Variants in TRHR observed in about 807,000 individuals in gnomAD.
The protein encoded by TRHR is thyrotropin releasing hormone receptor, also known as thyrotropin-releasing hormone receptor.
Under a neutral mutation model 28.0 loss-of-function variants are expected in TRHR, and 14 were observed. The ratio of observed to expected loss-of-function variants is 0.50; its 90% CI spans 0.33 to 0.78. TRHR has a LOEUF of 0.78. Ranked by LOEUF, TRHR falls within the 30% of genes least tolerant of loss-of-function variation. The pLI is 0.02. For synonymous variants in TRHR, 176 were observed against 171.9 expected (o/e 1.02, Z -0.18); for missense variants, 438 against 469.5 (o/e 0.93, Z 0.62).
At chr8:109,103,205 C>A (rs1811703231) in intron 2 of TRHR, among the ~76,000 whole-genome samples, 1 of 152,190 alleles carries the variant, frequency 6.6e-6, no homozygotes, top group African/African-American at 2.4e-5. Context: ...GTTCTCACAT[C>A]TTAAACCAGG....
At chr8:109,090,947 G>A (rs1270566825) in intron 2 of TRHR, among the ~76,000 whole-genome samples, 1 of 151,868 alleles carries the variant, frequency 6.6e-6, no homozygotes, top group Non-Finnish European at 1.5e-5. Flanking sequence ...GAAAGAGACA[G>A]AGAGACAGAG....
At chr8:109,100,476 C>G (rs1324344724) in intron 2 of TRHR, among the ~76,000 whole-genome samples, 1 of 151,912 alleles carries the variant, frequency 6.6e-6, no homozygotes, top group Non-Finnish European at 1.5e-5. Context: ...TCTATTATTA[C>G]AATCCCTTCC....
At chr8:109,088,354 T>G in intron 2 of TRHR, 53 bp downstream of exon 2, 1 of 1,589,796 alleles carries the variant, frequency 6.3e-7, no homozygotes, top group Non-Finnish European at 8.6e-7. Flanking sequence ...ATAGAGTTCC[T>G]TGGAGATGGG....
chr8:109,121,215 C>G lies in TRHR; in HGVS notation c.*1760C>G, dbSNP rs1812003172. On this transcript the variant is annotated 3_prime_UTR_variant, in exon 3 of 3. Transcript: ENST00000518632. The stretch of plus-strand genomic sequence containing the variant: ...CCCTACCTGCATGACAGTAAGCAAT[C>G]TATGTTAACTGACTTTTCATTCTGG... Among the ~76,000 whole-genome samples the G allele has an allele frequency of 1.3e-5, 2 of 151,480 alleles. No individual in the cohort carries two copies. The highest frequency in any genetic ancestry group is 3.0e-5 in the Non-Finnish European group (2 of 67,758).
chr8:109,099,091 T>C, intron 2 of TRHR, among the ~76,000 whole-genome samples: 1 of 152,080 alleles, frequency 6.6e-6, no homozygotes, highest in Non-Finnish European at 1.5e-5. Context: ...TCTAAAGATG[T>C]TTTTCAGGAA....
intron 2 of TRHR, among the ~76,000 whole-genome samples, chr8:109,091,909 CA>C (rs1201947047): frequency 6.6e-6 from 1 of 152,124 alleles, no homozygotes; most frequent in Non-Finnish European, 1.5e-5. Flanking sequence ...TGTCTCATTT[CA>C]GCTCTATCTA....
At chr8:109,108,085 C>G (rs1040269090) in intron 2 of TRHR, among the ~76,000 whole-genome samples, 1 of 152,134 alleles carries the variant, frequency 6.6e-6, no homozygotes, top group Non-Finnish European at 1.5e-5. Flanking sequence ...GAGCATAGTA[C>G]AGGCTGTCTC....
intron 2 of TRHR, among the ~76,000 whole-genome samples, chr8:109,117,661 A>C (rs1348824556): frequency 6.6e-6 from 1 of 151,834 alleles, no homozygotes; most frequent in African/African-American, 2.4e-5. Flanking sequence ...ATGACAATGA[A>C]GATGATAATC....
chr8:109,105,293 A>G (rs1036786715), intron 2 of TRHR, among the ~76,000 whole-genome samples: 1 of 152,178 alleles, frequency 6.6e-6, no homozygotes, highest in African/African-American at 2.4e-5. Flanking sequence ...TGGCAACACT[A>G]TTCTCTGCTT....
chr8:109,111,818 G>A (rs934651972), intron 2 of TRHR, among the ~76,000 whole-genome samples: 12 of 152,130 alleles, frequency 7.9e-5, no homozygotes, highest in Non-Finnish European at 1.6e-4. Context: ...CCAAAAAAGG[G>A]TTTTGGCATT....
intron 2 of TRHR, among the ~76,000 whole-genome samples, chr8:109,100,686 A>T (rs7821476): frequency 0.089 from 13,490 of 152,232 alleles, 951 homozygotes; most frequent in African/African-American, 0.2. Flanking sequence ...AAGACAGAAT[A>T]GTAAGCTGAT....
chr8:109,096,775 A>T (rs548929304), intron 2 of TRHR, among the ~76,000 whole-genome samples: 6 of 152,294 alleles, frequency 3.9e-5, no homozygotes, highest in East Asian at 3.9e-4. Flanking sequence ...GTATGTATAT[A>T]TACAAATATA....
At chr8:109,100,142 T>G (rs549027089) in intron 2 of TRHR, among the ~76,000 whole-genome samples, 1 of 152,264 alleles carries the variant, frequency 6.6e-6, no homozygotes, top group South Asian at 2.1e-4. Context: ...TAATTTTACT[T>G]GACAAACATT....
intron 2 of TRHR, 135 bp from the exon 3 acceptor site, chr8:109,118,913 C>T: frequency 3.7e-6 from 4 of 1,093,678 alleles, no homozygotes; most frequent in Non-Finnish European, 4.1e-6. Flanking sequence ...GGATCACCTC[C>T]CCAATAAATG....
At chr8:109,114,552 C>G (rs928109113) in intron 2 of TRHR, among the ~76,000 whole-genome samples, 8 of 152,000 alleles carry the variant, frequency 5.3e-5, no homozygotes, top group Non-Finnish European at 1.2e-4. Flanking sequence ...GTGGTTTCCA[C>G]AAGATTACTA....
In TRHR at chr8:109,101,310, C is replaced by T. The variant is rs184389379; in HGVS notation, c.789+13009C>T. On this transcript the variant is annotated intron_variant, in intron 2 of 2. Transcript: ENST00000518632. ...TTGGTGTGAGAAGATGTGTAGAAAGCGGAATAGAAAGGAGTCAAAGTGACT... is the reference window on the plus strand; with the variant it reads ...TTGGTGTGAGAAGATGTGTAGAAAGTGGAATAGAAAGGAGTCAAAGTGACT... Among the ~76,000 whole-genome samples the T allele has an allele frequency of 2.7e-3, 406 of 152,100 alleles. 1 individual carries two copies. Among genetic ancestry groups the T allele is most frequent in the African/African-American group, 8.9e-3 (370 of 41,498 alleles).
At position 109,087,586 on chromosome 8, in the gene TRHR, A is replaced by AG; in HGVS notation, c.76dup (p.Val26GlyfsTer46). 1.2e-6 allele frequency: 2 copies of AG among 1,614,212 alleles called. No individual in the cohort carries two copies. The highest frequency in any genetic ancestry group is 1.7e-6 in the Non-Finnish European group (2 of 1,180,028). On this transcript the variant is annotated frameshift_variant, in exon 2 of 3. Coordinates refer to ENST00000518632, the MANE Select transcript of TRHR (RefSeq NM_003301.7). LOFTEE classifies it high-confidence loss of function. ...CGAGCAGTGGTGGCCTTAGAATACC[A>AG]GGTGGTCACCATCTTACTTGTACTC...
At position 109,119,224 on chromosome 8, in the gene TRHR, C is replaced by T. The variant is rs267601709; in HGVS notation, c.966C>T (p.Leu322=). Residue 322 remains leucine, a synonymous_variant, in exon 3 of 3, where the codon CTC becomes CTT. Coordinates refer to ENST00000518632, the MANE Select transcript of TRHR (RefSeq NM_003301.7). The stretch of plus-strand genomic sequence containing the variant: ...CCATCAACCCGGTGATTTACAATCT[C>T]ATGTCCCAGAAATTCCGTGCAGCCT... ...NSAINPVIYN[L]MSQKFRAAFR... 1.2e-6 allele frequency: 2 copies of T among 1,612,888 alleles called. No homozygotes were observed. The highest frequency in any genetic ancestry group is 2.2e-5 in the South Asian group (2 of 91,056).
chr8:109,088,398 C>T, intron 2 of TRHR, 97 bp downstream of exon 2: 1 of 1,246,876 alleles, frequency 8.0e-7, no homozygotes, highest in South Asian at 1.3e-5. Context: ...GATGGCGAAA[C>T]CAAAATACAA....
Sources: allele counts gnomAD v4.1 joint callset (sites outside exome capture counted in the v4.1 genomes callset), GRCh38; gene constraint gnomAD v4.1.1; transcripts MANE v1.5; gene names NCBI Gene and HGNC (gene_info 2026-07-23, HGNC 2026-07-21).